CCL28: variants seen among roughly 807,000 people sequenced by gnomAD.
CCL28 encodes C-C motif chemokine 28.
Under a neutral mutation model 7.1 loss-of-function variants are expected in CCL28, and 4 were observed. The observed-to-expected ratio is 0.56, with a 90% CI of 0.28 to 1.29. The LOEUF (loss-of-function observed/expected upper bound fraction) is 1.29, where lower values mean the gene tolerates loss of function less well. CCL28 is among the 50% of genes most tolerant of loss of function. The pLI is 0.11. For missense variants in CCL28, 151 were observed against 163.4 expected (o/e 0.92, Z 0.41); for synonymous variants, 55 against 57.8 (o/e 0.95, Z 0.22).
intron 1 of CCL28, among the ~76,000 whole-genome samples, chr5:43,403,502 C>G (rs1442655735): frequency 2.6e-5 from 4 of 152,128 alleles, no homozygotes; most frequent in Non-Finnish European, 5.9e-5. Context: ...CACCAAAACC[C>G]CATCTGTACG....
the CCL28 span, among the ~76,000 whole-genome samples, chr5:43,371,631 A>G: frequency 6.6e-6 from 1 of 152,202 alleles, no homozygotes; most frequent in Non-Finnish European, 1.5e-5. Flanking sequence ...GCCCCAGTCA[A>G]GCCTTCAGAT....
At chr5:43,387,586 T>G (rs190030680) in intron 2 of CCL28, among the ~76,000 whole-genome samples, 137 of 152,300 alleles carry the variant, frequency 9.0e-4, no homozygotes, top group Admixed American at 3.9e-3. Flanking sequence ...TCCACGCTTC[T>G]TTTTGAACCT....
chr5:43,403,864 C>G (rs1342066509), intron 1 of CCL28, among the ~76,000 whole-genome samples: 1 of 152,112 alleles, frequency 6.6e-6, no homozygotes, highest in African/African-American at 2.4e-5. Context: ...GTGACGAATG[C>G]AGAAGCCTCA....
chr5:43,373,992 A>G (rs1322034794), downstream of CCL28, among the ~76,000 whole-genome samples: 1 of 152,230 alleles, frequency 6.6e-6, no homozygotes, highest in Non-Finnish European at 1.5e-5. Flanking sequence ...GCCCAGTCAC[A>G]CTGGCTTAAT....
chr5:43,405,506 G>C (rs1305940923), intron 1 of CCL28, among the ~76,000 whole-genome samples: 1 of 152,142 alleles, frequency 6.6e-6, no homozygotes, highest in Non-Finnish European at 1.5e-5. Context: ...AGTGTGTAGG[G>C]GGAAATTTAT....
chr5:43,377,933 C>A (rs556519204), downstream of CCL28, among the ~76,000 whole-genome samples: 1 of 150,542 alleles, frequency 6.6e-6, no homozygotes, highest in South Asian at 2.1e-4. Context: ...GGGGTTTCAC[C>A]GTTTTAGCCG....
At chr5:43,383,560 A>G (rs1443000170) in intron 2 of CCL28, among the ~76,000 whole-genome samples, 1 of 152,180 alleles carries the variant, frequency 6.6e-6, no homozygotes, top group East Asian at 1.9e-4. Flanking sequence ...TATATTCCCT[A>G]TGTGTATTAG....
chr5:43,375,569 C>A (rs1296764481), downstream of CCL28, among the ~76,000 whole-genome samples: 2 of 151,394 alleles, frequency 1.3e-5, no homozygotes, highest in Non-Finnish European at 2.9e-5. Flanking sequence ...AAGGGCACAG[C>A]CCTCCCCAGC....
chr5:43,357,863 A>C, the CCL28 span, among the ~76,000 whole-genome samples: 2 of 152,220 alleles, frequency 1.3e-5, no homozygotes, highest in Non-Finnish European at 2.9e-5. Flanking sequence ...AATTCCACCA[A>C]ACTAACTGTC....
At chr5:43,405,522 T>C (rs920735083) in intron 1 of CCL28, among the ~76,000 whole-genome samples, 5 of 152,182 alleles carry the variant, frequency 3.3e-5, no homozygotes, top group Admixed American at 1.3e-4. Flanking sequence ...TTTATAGCAC[T>C]ACATGTGAAC....
chr5:43,368,298 A>G, the CCL28 span, among the ~76,000 whole-genome samples: 3 of 152,242 alleles, frequency 2.0e-5, no homozygotes, highest in African/African-American at 7.2e-5. Context: ...ACTATAATGT[A>G]TCTGAAGCTG....
chr5:43,376,351 A>T (rs1739887644), downstream of CCL28, among the ~76,000 whole-genome samples: 1 of 152,198 alleles, frequency 6.6e-6, no homozygotes, highest in African/African-American at 2.4e-5. Flanking sequence ...TTTGGATGTC[A>T]TCTGGTGGGT....
At chr5:43,382,118 T>C in intron 2 of CCL28, 66 bp from the exon 3 acceptor site, 2 of 1,421,642 alleles carry the variant, frequency 1.4e-6, no homozygotes, top group South Asian at 1.4e-5. Flanking sequence ...ACTTAGTGAC[T>C]TACATGCAGC....
At chr5:43,412,149 C>T in intron 1 of CCL28, 104 bp downstream of exon 1, 2 of 754,816 alleles carry the variant, frequency 2.6e-6, no homozygotes, top group Non-Finnish European at 4.0e-6. Flanking sequence ...GAAATTCCTG[C>T]TTGAAGAGAT....
the CCL28 span, among the ~76,000 whole-genome samples, chr5:43,366,718 T>G: frequency 6.6e-6 from 1 of 152,192 alleles, no homozygotes; most frequent in Non-Finnish European, 1.5e-5. Flanking sequence ...CAGGCTGGAA[T>G]GTCTAAGTCT....
the CCL28 span, among the ~76,000 whole-genome samples, chr5:43,361,287 T>C: frequency 1.3e-5 from 2 of 152,220 alleles, no homozygotes; most frequent in Non-Finnish European, 2.9e-5. Context: ...AACATGCACA[T>C]GTATGTATCT....
intron 1 of CCL28, among the ~76,000 whole-genome samples, chr5:43,398,633 G>A (rs1393001748): frequency 1.3e-5 from 2 of 152,136 alleles, no homozygotes; most frequent in African/African-American, 2.4e-5. Context: ...GGAGGATCAC[G>A]AGGTCAGAAG....
At position 43,392,490 on chromosome 5, in the gene CCL28, G is replaced by A. The variant is rs76845554; in HGVS notation, c.65-4014C>T. 6.3e-3 allele frequency among the ~76,000 whole-genome samples: 966 copies of A among 152,214 alleles called. 7 individuals carry two copies. The highest frequency in any genetic ancestry group is 0.022 in the African/African-American group (929 of 41,544). On this transcript the variant is annotated intron_variant, in intron 1 of 2. Coordinates refer to ENST00000361115, the MANE Select transcript of CCL28 (RefSeq NM_148672.3). ...CCTGGAACACATTTGGAGAACCACC[G>A]TTCTTGAAAAACAGATTTACACATG...
the CCL28 span, among the ~76,000 whole-genome samples, chr5:43,365,126 T>C: frequency 6.7e-6 from 1 of 150,296 alleles, no homozygotes; most frequent in African/African-American, 2.5e-5. Context: ...TGCCTCAGCC[T>C]CCCAAGTAAC....
Sources: allele counts gnomAD v4.1 joint callset (sites outside exome capture counted in the v4.1 genomes callset), GRCh38; gene constraint gnomAD v4.1.1; transcripts MANE v1.5; gene names NCBI Gene and HGNC (gene_info 2026-07-23, HGNC 2026-07-21).